ZNF827: variants seen among roughly 807,000 people sequenced by gnomAD.
ZNF827 encodes the protein zinc finger protein 827.
A neutral mutation model predicts 102.4 loss-of-function variants in ZNF827; 13 were observed. The ratio of observed to expected loss-of-function variants is 0.13; its 90% CI spans 0.08 to 0.20. The LOEUF (loss-of-function observed/expected upper bound fraction) is 0.20, where lower values mean the gene tolerates loss of function less well. ZNF827 is among the 10% of genes least tolerant of loss of function. The pLI, the probability that ZNF827 is intolerant of heterozygous loss-of-function variation, is 1.00. For synonymous variants in ZNF827, 523 were observed against 536.2 expected, an observed-to-expected ratio of 0.98 and a Z score of 0.34; for missense variants, 1,103 against 1,344.4, an observed-to-expected ratio of 0.82 and a Z score of 2.81.
chr4:145,791,938 G>T (rs898817064), intron 8 of ZNF827, among the ~76,000 whole-genome samples: 2 of 152,286 alleles, frequency 1.3e-5, no homozygotes, highest in African/African-American at 2.4e-5. Context: ...ACTAGGAAGC[G>T]TATGTACTCT....
At chr4:145,855,438 A>G (rs1746989880) in intron 5 of ZNF827, among the ~76,000 whole-genome samples, 1 of 152,220 alleles carries the variant, frequency 6.6e-6, no homozygotes, top group Non-Finnish European at 1.5e-5. Flanking sequence ...ATCATTACTT[A>G]AAACTTTGTG....
chr4:145,886,661 C>A (rs1241946876), intron 3 of ZNF827, among the ~76,000 whole-genome samples: 4 of 151,604 alleles, frequency 2.6e-5, no homozygotes, highest in African/African-American at 9.7e-5. Context: ...ATAATGTCTC[C>A]AGGGTATTCC....
At chr4:145,841,859 T>C (rs1745451535) in intron 7 of ZNF827, among the ~76,000 whole-genome samples, 1 of 152,110 alleles carries the variant, frequency 6.6e-6, no homozygotes, top group Non-Finnish European at 1.5e-5. Context: ...GGATTGTTTT[T>C]CTCCTTTACT....
chr4:145,803,682 A>T (rs1198418519), intron 8 of ZNF827, among the ~76,000 whole-genome samples: 1 of 152,174 alleles, frequency 6.6e-6, no homozygotes, highest in Non-Finnish European at 1.5e-5. Context: ...TTCCTTATAA[A>T]TTGGTGTATA....
chr4:145,802,395 T>C (rs1740997458), intron 8 of ZNF827, among the ~76,000 whole-genome samples: 1 of 152,196 alleles, frequency 6.6e-6, no homozygotes, highest in Non-Finnish European at 1.5e-5. Context: ...AAGGTCTAGT[T>C]CAGGAACAAT....
At chr4:145,833,968 T>C (rs1744546792) in intron 7 of ZNF827, among the ~76,000 whole-genome samples, 1 of 151,916 alleles carries the variant, frequency 6.6e-6, no homozygotes, top group Admixed American at 6.6e-5. Flanking sequence ...CTACTCTCTC[T>C]TTTCTCTAGG....
chr4:145,886,171 C>G lies in ZNF827; in HGVS notation c.1267-13G>C. On this transcript the variant is annotated splice_polypyrimidine_tract_variant and intron_variant, in intron 3 of 14. Transcript: ENST00000508784. ...GGTGCTGATGAACCTGACGGAGAAG[C>G]AAGAAGAATGAGCTAGCCACCGTGC... 6.4e-7 allele frequency: 1 copy of G among 1,571,656 alleles called. No homozygotes were observed. Among genetic ancestry groups the G allele is most frequent in the South Asian group, 1.2e-5 (1 of 82,824 alleles).
chr4:145,763,419 T>A lies in ZNF827; in HGVS notation c.3231-297A>T, dbSNP rs1312104424. 6.6e-6 allele frequency among the ~76,000 whole-genome samples: 1 copy of A among 152,194 alleles called. No homozygotes were observed. The highest frequency in any genetic ancestry group is 1.5e-5 in the Non-Finnish European group (1 of 68,030). On this transcript the variant is annotated intron_variant, in intron 13 of 14. Coordinates refer to ENST00000508784, the MANE Select transcript of ZNF827 (RefSeq NM_001306215.2). The surrounding 1 kb of genome is among the most constrained non-coding windows in gnomAD (Gnocchi z 4.6). ...AGACTCACTGTATAGCCAGAAGGCA[T>A]TATCAATTTTTTCAAAGTATTCTTC...
intron 1 of ZNF827, among the ~76,000 whole-genome samples, chr4:145,928,326 T>C (rs1753578104): frequency 6.6e-6 from 1 of 152,172 alleles, no homozygotes; most frequent in South Asian, 2.1e-4. Context: ...CTTAAATCTC[T>C]GGGGGTGTTT....
chr4:145,923,450 T>TTA (rs1753217816), intron 1 of ZNF827, among the ~76,000 whole-genome samples: 1 of 130,804 alleles, frequency 7.6e-6, no homozygotes, highest in Non-Finnish European at 1.6e-5. Flanking sequence ...ATTACAAATG[T>TTA]AAAAAAAAAA....
intron 4 of ZNF827, among the ~76,000 whole-genome samples, chr4:145,871,020 G>A (rs1440917686): frequency 1.3e-5 from 2 of 152,132 alleles, no homozygotes; most frequent in East Asian, 3.8e-4. Flanking sequence ...TCCATAAACA[G>A]TGGGGCATTT....
intron 4 of ZNF827, chr4:145,876,412 T>C (rs1486780489): frequency 1.3e-5 from 2 of 152,236 alleles, no homozygotes; most frequent in Non-Finnish European, 2.9e-5. Flanking sequence ...TGCCTTAAAT[T>C]AAATGCAAGG....
chr4:145,873,989 T>G (rs1158183022), intron 4 of ZNF827, among the ~76,000 whole-genome samples: 1 of 152,126 alleles, frequency 6.6e-6, no homozygotes, highest in Non-Finnish European at 1.5e-5. Context: ...TAAAAACATT[T>G]TAAAATTCTA....
At chr4:145,888,580 T>C (rs557617058) in intron 3 of ZNF827, among the ~76,000 whole-genome samples, 13 of 152,208 alleles carry the variant, frequency 8.5e-5, no homozygotes, top group Non-Finnish European at 1.9e-4. Flanking sequence ...GGGAAACCTC[T>C]ACTCCATCCC....
chr4:145,885,498 CAA>C (rs1427428554), intron 4 of ZNF827, among the ~76,000 whole-genome samples, 178 bp downstream of exon 4: 3 of 152,146 alleles, frequency 2.0e-5, no homozygotes, highest in African/African-American at 7.2e-5. Flanking sequence ...TACACACACA[CAA>C]AGTCAAGGAG....
At position 145,902,061 on chromosome 4, in the gene ZNF827, TGCCTCA is replaced by T. The variant is rs1406839628; in HGVS notation, c.1093+99_1093+104del. 1 of 1,418,854 alleles carries T rather than the reference TGCCTCA, an allele frequency of 7.0e-7. No homozygotes were observed. The highest frequency in any genetic ancestry group is 2.4e-5 in the East Asian group (1 of 42,394). 87.9% of individuals were successfully genotyped at this position (1,418,854 alleles called of 1,614,324 possible). A position where few individuals can be genotyped will look rare whatever the true frequency, so the allele number is the denominator to read the frequency against. ...TGTTGTGCTCTTGCTTTTTTATTCC[TGCCTCA>T]GATCAGATGGGGAACCCAACTGAAA... On this transcript the variant is annotated intron_variant, in intron 2 of 14. Transcript: ENST00000508784. The surrounding 1 kb of genome is among the most constrained non-coding windows in gnomAD (Gnocchi z 4.3).
intron 8 of ZNF827, among the ~76,000 whole-genome samples, chr4:145,810,784 T>C (rs1017996475): frequency 1.3e-5 from 2 of 152,344 alleles, no homozygotes; most frequent in Non-Finnish European, 2.9e-5. Context: ...CCACTGAATA[T>C]TCATGGTTTA....
At chr4:145,768,629 C>G (rs976838946) in intron 11 of ZNF827, among the ~76,000 whole-genome samples, 1 of 151,200 alleles carries the variant, frequency 6.6e-6, no homozygotes, top group African/African-American at 2.4e-5. Context: ...GACTGTTCTC[C>G]AATTATCTTC....
At chr4:145,923,568 A>C (rs564750652) in intron 1 of ZNF827, among the ~76,000 whole-genome samples, 1 of 152,076 alleles carries the variant, frequency 6.6e-6, no homozygotes, top group East Asian at 1.9e-4. Flanking sequence ...GCACCACTGC[A>C]CTCCAGCCTG....
Sources: gnomAD v4.1 joint callset for allele counts (sites outside exome capture counted in the v4.1 genomes callset) on GRCh38, gnomAD v4.1.1 for gene constraint, Gnocchi (gnomAD v3.1) non-coding constraint, MANE v1.5 for transcripts, NCBI Gene and HGNC (gene_info 2026-07-23, HGNC 2026-07-21) for gene names.